PIP5K1B: variants seen among roughly 807,000 people sequenced by gnomAD.
The protein encoded by PIP5K1B is phosphatidylinositol-4-phosphate 5-kinase type 1 beta, also known as phosphatidylinositol 4-phosphate 5-kinase type-1 beta.
Under a neutral mutation model 67.0 loss-of-function variants are expected in PIP5K1B, and 42 were observed. That is an observed-to-expected ratio of 0.63 (90% CI 0.49 to 0.81). The LOEUF is 0.81. PIP5K1B is among the 30% of genes least tolerant of loss of function. PIP5K1B has a pLI of 0.00. For synonymous variants in PIP5K1B, 214 were observed against 231.4 expected (o/e 0.92, Z 0.68); for missense variants, 459 against 646.3 (o/e 0.71, Z 3.14).
intron 14 of PIP5K1B, among the ~76,000 whole-genome samples, chr9:68,977,620 A>C (rs1289716331): frequency 6.9e-6 from 1 of 145,890 alleles, no homozygotes; most frequent in African/African-American, 2.5e-5. Flanking sequence ...ATTTTTTTGC[A>C]TTTATATATT....
chr9:68,895,847 T>G (rs1375945094), intron 8 of PIP5K1B, among the ~76,000 whole-genome samples: 1 of 152,182 alleles, frequency 6.6e-6, no homozygotes, highest in Non-Finnish European at 1.5e-5. Context: ...TCAGTACTAT[T>G]CATACTTCCA....
chr9:68,895,750 G>A (rs1458013693), intron 8 of PIP5K1B, among the ~76,000 whole-genome samples: 5 of 151,574 alleles, frequency 3.3e-5, no homozygotes, highest in East Asian at 1.9e-4. Flanking sequence ...TTTAGCTACC[G>A]TTTATTGAAT....
chr9:68,836,728 G>A lies in PIP5K1B; in HGVS notation c.69+14045G>A, dbSNP rs2132132156. On this transcript the variant is annotated intron_variant, in intron 4 of 15. Transcript: ENST00000265382. ...ATTGCTTCAGATGAGTTAATAGATGGGTGGGAAGAAACTACACTTTATGAT... is the reference window on the plus strand; with the variant it reads ...ATTGCTTCAGATGAGTTAATAGATGAGTGGGAAGAAACTACACTTTATGAT... Among the ~76,000 whole-genome samples the A allele has an allele frequency of 1.3e-5, 2 of 152,048 alleles. 1 individual carries two copies. Among genetic ancestry groups the A allele is most frequent in the South Asian group, 4.2e-4 (2 of 4,802 alleles).
intron 2 of PIP5K1B, among the ~76,000 whole-genome samples, chr9:68,797,171 G>A (rs892233616): frequency 6.6e-5 from 10 of 152,170 alleles, no homozygotes; most frequent in African/African-American, 2.2e-4. Context: ...TGCTCTTGGC[G>A]TGGTACACAC....
intron 4 of PIP5K1B, among the ~76,000 whole-genome samples, chr9:68,836,916 A>G (rs1834643117): frequency 6.6e-6 from 1 of 152,212 alleles, no homozygotes; most frequent in African/African-American, 2.4e-5. Context: ...AATCTGGGGC[A>G]CCAGGCCGAA....
At chr9:68,837,751 C>A (rs1042377267) in intron 4 of PIP5K1B, among the ~76,000 whole-genome samples, 1 of 151,388 alleles carries the variant, frequency 6.6e-6, no homozygotes, top group African/African-American at 2.4e-5. Flanking sequence ...TGCAAGACTT[C>A]CCATGGTATT....
intron 4 of PIP5K1B, among the ~76,000 whole-genome samples, chr9:68,839,733 G>A (rs1262024091): frequency 6.6e-6 from 1 of 152,180 alleles, no homozygotes; most frequent in Non-Finnish European, 1.5e-5. Flanking sequence ...GCCTAGGGGA[G>A]CCCTGATGTA....
intron 8 of PIP5K1B, among the ~76,000 whole-genome samples, chr9:68,906,401 G>A (rs899145335): frequency 2.0e-5 from 3 of 152,158 alleles, no homozygotes; most frequent in African/African-American, 7.2e-5. Context: ...AAGTGACAAG[G>A]TAGAAAATGT....
chr9:68,789,238 T>C (rs1831819008), intron 2 of PIP5K1B: 1 of 477,628 alleles, frequency 2.1e-6, no homozygotes, highest in Non-Finnish European at 4.0e-6. Flanking sequence ...TTGACAACTG[T>C]TCGAAGGATA....
intron 4 of PIP5K1B, among the ~76,000 whole-genome samples, chr9:68,846,617 G>A (rs756683569): frequency 2.5e-4 from 38 of 152,262 alleles, no homozygotes; most frequent in Non-Finnish European, 4.3e-4. Flanking sequence ...TCACTGCATC[G>A]TCAATTTGAA....
chr9:68,911,587 G>A (rs920309512), intron 8 of PIP5K1B, among the ~76,000 whole-genome samples: 1 of 151,868 alleles, frequency 6.6e-6, no homozygotes, highest in Non-Finnish European at 1.5e-5. Flanking sequence ...TAGGGTTATA[G>A]CATGGCCATG....
At chr9:68,715,206 C>T (rs1166427912) in intron 1 of PIP5K1B, among the ~76,000 whole-genome samples, 1 of 152,212 alleles carries the variant, frequency 6.6e-6, no homozygotes, top group Non-Finnish European at 1.5e-5. Context: ...GCAGGAAAAA[C>T]TTCCTGACCA....
chr9:68,947,903 C>T (rs1827878843), intron 14 of PIP5K1B, among the ~76,000 whole-genome samples: 1 of 152,222 alleles, frequency 6.6e-6, no homozygotes, highest in South Asian at 2.1e-4. Context: ...CTCAAAGAGG[C>T]TTGTAAGCTT....
At chr9:69,006,703 T>TGATA (rs138158209) in intron 15 of PIP5K1B, among the ~76,000 whole-genome samples, 1 of 152,004 alleles carries the variant, frequency 6.6e-6, no homozygotes, top group Non-Finnish European at 1.5e-5. Flanking sequence ...ATCACTCAGG[T>TGATA]TACTCACTGT....
At chr9:68,975,937 A>G (rs113095642) in intron 14 of PIP5K1B, among the ~76,000 whole-genome samples, 4,794 of 152,304 alleles carry the variant, frequency 0.031, 78 homozygotes, top group Middle Eastern at 0.041. Context: ...TTAACTAATT[A>G]TGTCTGCAAC....
intron 4 of PIP5K1B, among the ~76,000 whole-genome samples, chr9:68,849,841 G>A (rs1822391417): frequency 6.6e-6 from 1 of 152,140 alleles, no homozygotes; most frequent in Admixed American, 6.5e-5. Context: ...TTTTCTCAAT[G>A]AGCATGGGCT....
intron 14 of PIP5K1B, among the ~76,000 whole-genome samples, chr9:68,981,878 G>A (rs1042368029): frequency 2.0e-5 from 3 of 152,112 alleles, no homozygotes; most frequent in African/African-American, 7.2e-5. Flanking sequence ...AGACAGCCAG[G>A]AAGAAAAATC....
At chr9:68,823,414 C>A (rs1833828660) in intron 4 of PIP5K1B, among the ~76,000 whole-genome samples, 1 of 152,160 alleles carries the variant, frequency 6.6e-6, no homozygotes, top group South Asian at 2.1e-4. Context: ...TACTTTCCAC[C>A]AACATTTAAA....
intron 2 of PIP5K1B, chr9:68,780,110 G>A (rs1831161893): frequency 6.8e-7 from 1 of 1,480,790 alleles, no homozygotes; most frequent in Non-Finnish European, 8.9e-7. Flanking sequence ...GGACTGCGGG[G>A]AATGGGAATC....
Sources: allele counts gnomAD v4.1 joint callset (sites outside exome capture counted in the v4.1 genomes callset), GRCh38; gene constraint gnomAD v4.1.1; transcripts MANE v1.5; gene names NCBI Gene and HGNC (gene_info 2026-07-23, HGNC 2026-07-21).